Variants in ATAD5 observed in about 807,000 individuals in gnomAD.
The protein encoded by ATAD5 is ATPase family AAA domain-containing protein 5.
Under a neutral mutation model 176.9 loss-of-function variants are expected in ATAD5, and 58 were observed. That is an observed-to-expected ratio of 0.33 (90% confidence interval 0.27 to 0.41). ATAD5 has a LOEUF of 0.41. Ranked by LOEUF, ATAD5 falls within the 10% of genes least tolerant of loss-of-function variation. The probability of loss-of-function intolerance (pLI) is 1.00; values close to 1 mark genes in which losing one functional copy is unlikely to be tolerated. For missense variants in ATAD5, 1,789 were observed against 2,094.1 expected (o/e 0.85, Z 2.84); for synonymous variants, 640 against 712.6 (o/e 0.90, Z 1.62).
chr17:30,849,633 GTCTT>G lies in ATAD5; in HGVS notation c.2450+4722_2450+4725del, dbSNP rs767651874. 5.9e-5 allele frequency among the ~76,000 whole-genome samples: 9 copies of G among 152,064 alleles called. No homozygotes were observed. In the East Asian group the frequency reaches 9.7e-4, roughly 16 times the overall value. On this transcript the variant is annotated intron_variant, in intron 6 of 22. Coordinates refer to ENST00000321990, the MANE Select transcript of ATAD5 (RefSeq NM_024857.5). The stretch of plus-strand genomic sequence containing the variant: ...CTTTTGCCCCTTTTCTTACTGACTT[GTCTT>G]TCTTCTTGTTGAGTTGTGAGGATTC...
chr17:30,861,524 A>AT (rs1567688721), intron 10 of ATAD5, among the ~76,000 whole-genome samples: 1 of 151,748 alleles, frequency 6.6e-6, no homozygotes, highest in Admixed American at 6.6e-5. Context: ...ATGTGCTTTT[A>AT]TTTTTTTATT....
At chr17:30,864,817 T>A (rs1275537906) in intron 10 of ATAD5, 1 of 152,216 alleles carries the variant, frequency 6.6e-6, no homozygotes, top group Non-Finnish European at 1.5e-5. Context: ...GCAAAGGATA[T>A]GATTTTTTTC....
intron 19 of ATAD5, among the ~76,000 whole-genome samples, chr17:30,890,986 T>G (rs1363633862): frequency 3.3e-5 from 5 of 152,248 alleles, no homozygotes; most frequent in Non-Finnish European, 7.3e-5. Flanking sequence ...ATAGAATGGA[T>G]GTACCGTAAT....
chr17:30,832,426 C>T lies in ATAD5; in HGVS notation c.66+13C>T. 1 of 1,550,640 alleles carries T rather than the reference C, an allele frequency of 6.4e-7. No individual in the cohort carries two copies. The highest frequency in any genetic ancestry group is 8.7e-7 in the Non-Finnish European group (1 of 1,147,080). On this transcript the variant is annotated intron_variant, in intron 1 of 22. Coordinates refer to ENST00000321990, the MANE Select transcript of ATAD5 (RefSeq NM_024857.5). ...CTGCGAGATTGAGGTGAGGTTGAGT[C>T]GAGGATCTGTTGAGTTCCTTCCTCT...
At chr17:30,843,663 GAATAAA>G (rs1906280429) in intron 4 of ATAD5, among the ~76,000 whole-genome samples, 1 of 149,802 alleles carries the variant, frequency 6.7e-6, no homozygotes, top group African/African-American at 2.5e-5. Flanking sequence ...AAAAAAAAAA[GAATAAA>G]AATAAAAAAG....
intron 18 of ATAD5, among the ~76,000 whole-genome samples, chr17:30,880,360 G>T (rs1236401046): frequency 6.6e-6 from 1 of 152,186 alleles, no homozygotes; most frequent in Non-Finnish European, 1.5e-5. Context: ...TGTAATCCCA[G>T]CACTTTGGGA....
chr17:30,860,386 T>G, intron 9 of ATAD5, 47 bp from the exon 10 acceptor site: 1 of 1,547,624 alleles, frequency 6.5e-7, no homozygotes, highest in South Asian at 1.2e-5. Flanking sequence ...ATATTACTGG[T>G]TTTTGTTGAT....
At chr17:30,879,518 AC>A (rs750769873) in intron 18 of ATAD5, 31 bp downstream of exon 18, 2 of 1,556,228 alleles carry the variant, frequency 1.3e-6, no homozygotes, top group Admixed American at 4.0e-5. Context: ...GCCACAAATT[AC>A]ATATCACCAT....
At chr17:30,884,673 C>G (rs1358245799) in intron 18 of ATAD5, among the ~76,000 whole-genome samples, 1 of 151,300 alleles carries the variant, frequency 6.6e-6, no homozygotes, top group African/African-American at 2.4e-5. Flanking sequence ...AAGTGATCTG[C>G]CCGCCTCGGC....
chr17:30,875,787 C>T (rs973765331), intron 14 of ATAD5, among the ~76,000 whole-genome samples: 17 of 148,102 alleles, frequency 1.1e-4, no homozygotes, highest in Non-Finnish European at 1.9e-4. Context: ...CAAAGTGAGA[C>T]CCTGACTCAA....
intron 6 of ATAD5, among the ~76,000 whole-genome samples, chr17:30,851,546 C>T (rs1176052659): frequency 6.6e-6 from 1 of 151,636 alleles, no homozygotes; most frequent in African/African-American, 2.4e-5. Flanking sequence ...GTGGCTCACA[C>T]CTGTAATCCC....
chr17:30,846,297 G>C (rs181075439), intron 6 of ATAD5, among the ~76,000 whole-genome samples: 1 of 151,728 alleles, frequency 6.6e-6, no homozygotes, highest in South Asian at 2.1e-4. Flanking sequence ...TAGTATACAC[G>C]CCCACAAACA....
At position 30,835,116 on chromosome 17, in the gene ATAD5, A is replaced by G. The variant is rs376225788; in HGVS notation, c.1035A>G (p.Lys345=). ...GGAAAATACCCCGAATTTTCTTGAA[A>G]CAAAAGCAATTTGAAATGGAAAATA... ...KTGKIPRIFL[K]QKQFEMENSL... is the part of the protein sequence containing the mutation. The change falls in exon 2 of 23, where the codon AAA becomes AAG. Residue 345 remains lysine (K), a synonymous_variant. Transcript: ENST00000321990. 1.1e-5 allele frequency: 18 copies of G among 1,614,056 alleles called. No individual in the cohort carries two copies. The African/African-American group carries it at 1.9e-4, about 17-fold the overall frequency.
At chr17:30,843,031 A>ACCGT (rs1906227344) in intron 4 of ATAD5, among the ~76,000 whole-genome samples, 1 of 150,172 alleles carries the variant, frequency 6.7e-6, no homozygotes, top group Non-Finnish European at 1.5e-5. Flanking sequence ...GGCGTGAACC[A>ACCGT]CCGTCCGGCA....
chr17:30,887,272 A>G lies in ATAD5; in HGVS notation c.4158A>G (p.Leu1386=). 1 of 1,607,424 alleles carries G rather than the reference A, an allele frequency of 6.2e-7. No homozygotes were observed. The highest frequency in any genetic ancestry group is 8.5e-7 in the Non-Finnish European group (1 of 1,177,222). Residue 1386 remains leucine (L), a synonymous_variant, in exon 19 of 23, where the codon TTA becomes TTG. Coordinates refer to ENST00000321990, the MANE Select transcript of ATAD5 (RefSeq NM_024857.5). ...ATGTAAAAGACTTTGTAACCTTGTT[A>G]ACTGCAAATACTTGTGATATCAGAA... ...RTDVKDFVTL[L]TANTCDIRKS...
chr17:30,880,389 A>G (rs1407133942), intron 18 of ATAD5, among the ~76,000 whole-genome samples: 1 of 152,082 alleles, frequency 6.6e-6, no homozygotes, highest in African/African-American at 2.4e-5. Context: ...AGGGTGGGTC[A>G]CCTGAGGTCG....
intron 8 of ATAD5, 125 bp from the exon 9 acceptor site, chr17:30,858,036 G>A (rs60020217): frequency 0.11 from 91,353 of 830,836 alleles, 5,663 homozygotes; most frequent in South Asian, 0.24. Flanking sequence ...GAGCCACCAC[G>A]CCCGGCCTAA....
intron 3 of ATAD5, among the ~76,000 whole-genome samples, chr17:30,838,417 A>G (rs534745651): frequency 6.6e-6 from 1 of 152,366 alleles, no homozygotes; most frequent in Non-Finnish European, 1.5e-5. Context: ...TAGTACTCAC[A>G]TCATTAATCT....
At chr17:30,843,246 G>A (rs1357799915) in intron 4 of ATAD5, among the ~76,000 whole-genome samples, 1 of 151,888 alleles carries the variant, frequency 6.6e-6, no homozygotes, top group Non-Finnish European at 1.5e-5. Context: ...TGGCTTCTTG[G>A]GCAGCTGAGG....
Sources: gnomAD v4.1 joint callset for allele counts (sites outside exome capture counted in the v4.1 genomes callset) on GRCh38, gnomAD v4.1.1 for gene constraint, MANE v1.5 for transcripts, NCBI Gene and HGNC (gene_info 2026-07-23, HGNC 2026-07-21) for gene names.